IFT81: variants seen among roughly 807,000 people sequenced by gnomAD.
The protein encoded by IFT81 is intraflagellar transport protein 81 homolog.
A neutral mutation model predicts 102.6 loss-of-function variants in IFT81; 72 were observed. The observed-to-expected ratio is 0.70, with a 90% CI of 0.58 to 0.85. The LOEUF (loss-of-function observed/expected upper bound fraction) is 0.85, where lower values mean the gene tolerates loss of function less well. IFT81 is among the 40% of genes least tolerant of loss of function. IFT81 has a pLI of 0.00. For missense variants in IFT81, 723 were observed against 787.3 expected, an observed-to-expected ratio of 0.92 and a Z score of 0.98; for synonymous variants, 237 against 242.7, an observed-to-expected ratio of 0.98 and a Z score of 0.22.
intron 18 of IFT81, among the ~76,000 whole-genome samples, chr12:110,215,402 G>A (rs749967088): frequency 3.0e-4 from 45 of 148,362 alleles, no homozygotes; most frequent in African/African-American, 8.3e-4. Context: ...TAGCACATGG[G>A]ATTATGAATG....
At chr12:110,198,426 G>A (rs942251998) in intron 14 of IFT81, among the ~76,000 whole-genome samples, 7 of 151,792 alleles carry the variant, frequency 4.6e-5, no homozygotes, top group East Asian at 1.9e-4. Context: ...TTTCTTTGGT[G>A]TTGTCCAGAT....
chr12:110,140,101 T>TA (rs200699791), intron 8 of IFT81, among the ~76,000 whole-genome samples: 1 of 151,802 alleles, frequency 6.6e-6, no homozygotes, highest in Non-Finnish European at 1.5e-5. Flanking sequence ...TAAAATGTAT[T>TA]AAATTTTTTT....
intron 14 of IFT81, among the ~76,000 whole-genome samples, chr12:110,200,257 A>G (rs1022479168): frequency 6.6e-6 from 1 of 152,182 alleles, no homozygotes. Context: ...GTGTACTTAC[A>G]CAAACCTAGA....
At chr12:110,184,670 A>G (rs529880594) in intron 12 of IFT81, among the ~76,000 whole-genome samples, 2 of 152,358 alleles carry the variant, frequency 1.3e-5, no homozygotes, top group African/African-American at 4.8e-5. Flanking sequence ...GTGAAAGGAA[A>G]GGGCAAAGGA....
Position 110,203,852 on chromosome 12 carries a change from T to A in IFT81, c.1558-12T>A, listed in dbSNP as rs1898430776. 5.7e-6 allele frequency: 9 copies of A among 1,588,922 alleles called. No homozygotes were observed. The highest frequency in any genetic ancestry group is 7.8e-6 in the Non-Finnish European group (9 of 1,157,284). Reference sequence around the variant, plus strand: ...TTTTCACTTATTCAATCATTTTCCCTTTTTATACTAGGAACTGACCCAGGA... The same window carrying A: ...TTTTCACTTATTCAATCATTTTCCCATTTTATACTAGGAACTGACCCAGGA... On this transcript the variant is annotated splice_polypyrimidine_tract_variant and intron_variant, in intron 14 of 18. Coordinates refer to ENST00000242591, the MANE Select transcript of IFT81 (RefSeq NM_014055.4).
intron 11 of IFT81, among the ~76,000 whole-genome samples, chr12:110,178,480 G>A (rs1426730545): frequency 6.6e-6 from 1 of 150,822 alleles, no homozygotes; most frequent in Non-Finnish European, 1.5e-5. Flanking sequence ...TTGAGATAGT[G>A]GCTTTGAGTG....
intron 10 of IFT81, among the ~76,000 whole-genome samples, chr12:110,150,661 T>G (rs965331856): frequency 2.0e-5 from 3 of 152,300 alleles, no homozygotes; most frequent in African/African-American, 7.2e-5. Context: ...AATCCACATT[T>G]TACACACAAC....
Position 110,132,638 on chromosome 12 carries a change from TA to T in IFT81, c.519+5del. 2.0e-6 allele frequency: 3 copies of T among 1,488,534 alleles called. No homozygotes were observed. Among genetic ancestry groups the T allele is most frequent in the Non-Finnish European group, 2.8e-6 (3 of 1,079,488 alleles). 92.2% of individuals were successfully genotyped at this position (1,488,534 alleles called of 1,614,324 possible). The stretch of plus-strand genomic sequence containing the variant: ...TTTTCTACAGCAGAAATAAGAAAGG[TA>T]AAGGAAAGAAAACATAGTAACAATT... On this transcript the variant is annotated splice_donor_region_variant and intron_variant, in intron 5 of 18. Coordinates refer to ENST00000242591, the MANE Select transcript of IFT81 (RefSeq NM_014055.4).
In IFT81 at chr12:110,218,154, T is replaced by G. The variant is rs763072975; in HGVS notation, c.1959T>G (p.Phe653Leu). The G allele has an allele frequency of 6.3e-7, 1 of 1,589,158 alleles. No homozygotes were observed. The highest frequency in any genetic ancestry group is 1.9e-5 in the Admixed American group (1 of 52,554). ...EQLMECKKQC[F>L]LKQQSQTSIG... is the part of the protein sequence containing the mutation. ...TAATGGAATGTAAGAAACAGTGCTT[T>G]CTGAAACAACAAAGCCAAACTTCCA... The change falls in exon 19 of 19, where the codon TTT becomes TTG. Residue 653 changes from phenylalanine (F) to leucine (L), a missense_variant. Phe to Leu is a conservative substitution (Grantham distance 22). Coordinates refer to ENST00000242591, the MANE Select transcript of IFT81 (RefSeq NM_014055.4).
In IFT81 at chr12:110,162,942, A is replaced by G. The variant is rs1404247588; in HGVS notation, c.1065A>G (p.Lys355=). ...AGGCATCTATCATTTCCCGTAAAAAAGAAGCCAAAGCTGAGGAACTTCAGG... is the reference window on the plus strand; with the variant it reads ...AGGCATCTATCATTTCCCGTAAAAAGGAAGCCAAAGCTGAGGAACTTCAGG... ...RQQASIISRK[K]EAKAEELQEA... The change falls in exon 11 of 19, where the codon AAA becomes AAG. Residue 355 remains lysine, a synonymous_variant. Transcript: ENST00000242591. 1 of 1,612,892 alleles carries G rather than the reference A, an allele frequency of 6.2e-7. No homozygotes were observed. The highest frequency in any genetic ancestry group is 8.5e-7 in the Non-Finnish European group (1 of 1,179,618).
At chr12:110,161,355 C>T (rs1485735232) in intron 10 of IFT81, among the ~76,000 whole-genome samples, 1 of 152,008 alleles carries the variant, frequency 6.6e-6, no homozygotes, top group Non-Finnish European at 1.5e-5. Flanking sequence ...ACCATGTTGA[C>T]CAGGCTGGTC....
At chr12:110,163,780 T>C (rs1566133861) in intron 11 of IFT81, among the ~76,000 whole-genome samples, 3 of 151,788 alleles carry the variant, frequency 2.0e-5, no homozygotes, top group Admixed American at 6.6e-5. Context: ...CAGGCCTGGC[T>C]AATTTTTGTA....
intron 10 of IFT81, 101 bp downstream of exon 10, chr12:110,147,149 T>C: frequency 7.0e-6 from 6 of 851,124 alleles, no homozygotes; most frequent in Non-Finnish European, 1.0e-5. Flanking sequence ...AAGTAGAGAA[T>C]AAATGTTGTT....
intron 11 of IFT81, among the ~76,000 whole-genome samples, chr12:110,174,925 G>C (rs902139413): frequency 3.3e-5 from 5 of 152,188 alleles, no homozygotes; most frequent in African/African-American, 1.2e-4. Context: ...CAGAGATAAA[G>C]ATTAGAGTTT....
chr12:110,124,588 C>A lies in IFT81; in HGVS notation c.-295C>A, dbSNP rs1443581455. ...CCCGGATAGGGGAATCGGGCCCCTT[C>A]TGGGATTCGAGCGGATCCAGGCCGC... is the stretch of plus-strand genomic sequence containing the variant. On this transcript the variant is annotated 5_prime_UTR_variant, in exon 1 of 19. In the 5' UTR this introduces an upstream ATG that the reference lacks. Coordinates refer to ENST00000242591, the MANE Select transcript of IFT81 (RefSeq NM_014055.4). The A allele has an allele frequency of 6.6e-6, 1 of 152,332 alleles. No individual in the cohort carries two copies. The highest frequency in any genetic ancestry group is 6.5e-5 in the Admixed American group (1 of 15,288). 9.4% of individuals were successfully genotyped at this position (152,332 alleles called of 1,614,324 possible).
chr12:110,139,352 A>AG (rs1360846651), intron 8 of IFT81, among the ~76,000 whole-genome samples: 1 of 150,580 alleles, frequency 6.6e-6, no homozygotes. Context: ...AAAAAAAAAA[A>AG]AAAGAAAAGG....
rs139149528 is a variant in IFT81 at position 110,218,238 on chromosome 12, A to G, written c.*12A>G. On this transcript the variant is annotated 3_prime_UTR_variant, in exon 19 of 19. Transcript: ENST00000242591. The stretch of plus-strand genomic sequence containing the variant: ...GGCTAATACTGTGAATTCTTGTGTC[A>G]TCGTTTGGGGTTTTACTTGATACCA... The G allele has an allele frequency of 2.0e-3, 3,080 of 1,509,812 alleles. 28 individuals carry two copies. The highest frequency in any genetic ancestry group is 9.1e-3 in the Middle Eastern group (51 of 5,618). The allele number at this position is 1,509,812 out of a possible 1,614,324, so 93.5% of individuals were successfully genotyped here.
intron 12 of IFT81, among the ~76,000 whole-genome samples, chr12:110,182,962 G>A (rs1357449939): frequency 6.6e-6 from 1 of 152,136 alleles, no homozygotes; most frequent in Non-Finnish European, 1.5e-5. Flanking sequence ...GGTTTAAGGT[G>A]TACACCCCAT....
At chr12:110,178,984 TG>T (rs1897169250) in intron 11 of IFT81, among the ~76,000 whole-genome samples, 1 of 151,954 alleles carries the variant, frequency 6.6e-6, no homozygotes, top group Admixed American at 6.6e-5. Flanking sequence ...TACTTAATAA[TG>T]GGGTCTTTCC....
Sources: allele counts gnomAD v4.1 joint callset (sites outside exome capture counted in the v4.1 genomes callset), GRCh38; gene constraint gnomAD v4.1.1; transcripts MANE v1.5; gene names NCBI Gene and HGNC (gene_info 2026-07-23, HGNC 2026-07-21).